The following EPHA6 variants were observed in gnomAD, a reference collection of about 807,000 sequenced individuals.
EPHA6 encodes ephrin type-A receptor 6.
In EPHA6, 50 loss-of-function variants were observed where a neutral mutation model predicts 112.0. The ratio of observed to expected loss-of-function variants is 0.45; its 90% confidence interval spans 0.36 to 0.56. EPHA6 has a LOEUF of 0.56. Among genes scored for constraint, EPHA6 ranks in the 20% least tolerant of loss-of-function variants. The pLI is 0.00. For synonymous variants in EPHA6, 529 were observed against 490.7 expected (o/e 1.08, Z -1.03); for missense variants, 1,280 against 1,417.4 (o/e 0.90, Z 1.56).
At chr3:97,377,261 C>T (rs1330241955) in intron 5 of EPHA6, among the ~76,000 whole-genome samples, 1 of 152,090 alleles carries the variant, frequency 6.6e-6, no homozygotes, top group Non-Finnish European at 1.5e-5. Context: ...ATAGTTTTAT[C>T]AGGGGTTTCT....
intron 14 of EPHA6, among the ~76,000 whole-genome samples, chr3:97,689,340 A>G (rs971757311): frequency 2.6e-5 from 4 of 152,262 alleles, no homozygotes; most frequent in African/African-American, 9.6e-5. Flanking sequence ...GTAATAGAGT[A>G]TAAGAGTAAC....
chr3:97,511,862 A>T (rs2092370146), intron 10 of EPHA6, among the ~76,000 whole-genome samples: 1 of 151,108 alleles, frequency 6.6e-6, no homozygotes, highest in South Asian at 2.1e-4. Context: ...GTCCTAACAT[A>T]TTTTTTTTTC....
intron 1 of EPHA6, among the ~76,000 whole-genome samples, chr3:96,840,938 A>G (rs1419565903): frequency 6.6e-6 from 1 of 152,098 alleles, no homozygotes; most frequent in Non-Finnish European, 1.5e-5. Flanking sequence ...TTATGGTAGT[A>G]ATTAATATTG....
At chr3:97,434,322 G>C (rs1474357482) in intron 6 of EPHA6, among the ~76,000 whole-genome samples, 2 of 152,026 alleles carry the variant, frequency 1.3e-5, no homozygotes, top group African/African-American at 4.8e-5. Context: ...GAATTTTCTT[G>C]GTTTTGAGAG....
At chr3:97,104,199 G>A (rs1339752626) in intron 3 of EPHA6, among the ~76,000 whole-genome samples, 3 of 152,114 alleles carry the variant, frequency 2.0e-5, no homozygotes, top group African/African-American at 7.2e-5. Context: ...TAGGAGTGGT[G>A]AGAGAGGACA....
intron 1 of EPHA6, among the ~76,000 whole-genome samples, chr3:96,865,331 C>CA (rs1010815502): frequency 1.3e-5 from 2 of 151,962 alleles, no homozygotes; most frequent in Non-Finnish European, 2.9e-5. Flanking sequence ...TTAGAGTAGA[C>CA]ACCAAACAGC....
rs2035894301 is a variant in EPHA6 at position 97,751,273 on chromosome 3, T to A, written c.*2572T>A. ...ATTAAGAATTCTTTCTTTTAAAATGTCTGATGATCCTATTCTACATCTGGT... is the reference window on the plus strand; with the variant it reads ...ATTAAGAATTCTTTCTTTTAAAATGACTGATGATCCTATTCTACATCTGGT... On this transcript the variant is annotated 3_prime_UTR_variant, in exon 18 of 18. Coordinates refer to ENST00000389672, the MANE Select transcript of EPHA6 (RefSeq NM_001080448.3). Among the ~76,000 whole-genome samples the A allele has an allele frequency of 6.6e-6, 1 of 152,140 alleles. No individual in the cohort carries two copies. Among genetic ancestry groups the A allele is most frequent in the African/African-American group, 2.4e-5 (1 of 41,462 alleles).
chr3:97,607,469 C>T (rs1327939934), intron 12 of EPHA6, among the ~76,000 whole-genome samples: 1 of 151,006 alleles, frequency 6.6e-6, no homozygotes, highest in East Asian at 1.9e-4. Flanking sequence ...TGCAATCCAT[C>T]GTCTCCAGAA....
At chr3:96,926,745 T>A (rs1465522441) in intron 2 of EPHA6, among the ~76,000 whole-genome samples, 1 of 152,222 alleles carries the variant, frequency 6.6e-6, no homozygotes, top group East Asian at 1.9e-4. Context: ...CAGGACATGC[T>A]GATGCAAGGG....
intron 2 of EPHA6, among the ~76,000 whole-genome samples, chr3:96,972,495 T>C (rs2042356030): frequency 6.6e-6 from 1 of 151,790 alleles, no homozygotes; most frequent in South Asian, 2.1e-4. Context: ...GACGAAAATA[T>C]GTTTCTCCAA....
intron 3 of EPHA6, among the ~76,000 whole-genome samples, chr3:96,994,503 A>G (rs901547767): frequency 6.6e-6 from 1 of 151,952 alleles, no homozygotes; most frequent in Non-Finnish European, 1.5e-5. Flanking sequence ...TATGGAAGAA[A>G]TAATTGGAAA....
Position 96,906,318 on chromosome 3 carries a change from T to A in EPHA6, c.450+39429T>A, listed in dbSNP as rs114477277. Among the ~76,000 whole-genome samples the A allele has an allele frequency of 6.1e-3, 923 of 152,120 alleles. 15 individuals carry two copies. Among genetic ancestry groups the A allele is most frequent in the African/African-American group, 0.02 (846 of 41,520 alleles). On this transcript the variant is annotated intron_variant, in intron 2 of 17. Coordinates refer to ENST00000389672, the MANE Select transcript of EPHA6 (RefSeq NM_001080448.3). Reference sequence around the variant, plus strand: ...CTCTGTTCTGAGACCAACACTGTTATGTGAAATGGGTCAAGTGTCATCCGT... The same window carrying A: ...CTCTGTTCTGAGACCAACACTGTTAAGTGAAATGGGTCAAGTGTCATCCGT...
At chr3:97,013,192 A>G (rs1294702519) in intron 3 of EPHA6, among the ~76,000 whole-genome samples, 1 of 152,008 alleles carries the variant, frequency 6.6e-6, no homozygotes, top group South Asian at 2.1e-4. Flanking sequence ...TCAGAATGGT[A>G]TTTCTTAGAT....
chr3:96,988,017 T>A, intron 3 of EPHA6, 24 bp downstream of exon 3: 1 of 1,511,022 alleles, frequency 6.6e-7, no homozygotes, highest in Non-Finnish European at 8.9e-7. Context: ...ATTTAAATAA[T>A]TTATCTTGCA....
chr3:97,135,532 A>ATATT (rs796211570), intron 3 of EPHA6, among the ~76,000 whole-genome samples: 127 of 152,300 alleles, frequency 8.3e-4, no homozygotes, highest in African/African-American at 2.7e-3. Context: ...CATTCTTAAA[A>ATATT]TATTTAATAC....
intron 3 of EPHA6, among the ~76,000 whole-genome samples, chr3:97,046,280 C>A (rs909464318): frequency 4.6e-5 from 7 of 152,186 alleles, no homozygotes; most frequent in Middle Eastern, 3.4e-3. Flanking sequence ...AACATAAAAT[C>A]TTTTTATATA....
chr3:97,546,203 T>C (rs191708152), intron 11 of EPHA6, among the ~76,000 whole-genome samples: 263 of 152,334 alleles, frequency 1.7e-3, no homozygotes, highest in African/African-American at 6.0e-3. Context: ...TGGCTGGTAC[T>C]GGTTGTTCCT....
intron 3 of EPHA6, among the ~76,000 whole-genome samples, chr3:97,015,550 A>G (rs1049006295): frequency 1.3e-5 from 2 of 152,226 alleles, no homozygotes; most frequent in Non-Finnish European, 2.9e-5. Context: ...AACTATTCCC[A>G]TCTCCAATTT....
intron 14 of EPHA6, among the ~76,000 whole-genome samples, chr3:97,697,856 C>G (rs2033138326): frequency 6.6e-6 from 1 of 152,174 alleles, no homozygotes; most frequent in South Asian, 2.1e-4. Context: ...AGTTGACTCC[C>G]AAAATAGGTT....
Sources: gnomAD v4.1 joint callset for allele counts (sites outside exome capture counted in the v4.1 genomes callset) on GRCh38, gnomAD v4.1.1 for gene constraint, MANE v1.5 for transcripts, NCBI Gene and HGNC (gene_info 2026-07-23, HGNC 2026-07-21) for gene names.